The following MMP16 variants were observed in gnomAD, a reference collection of about 807,000 sequenced individuals.
MMP16 encodes matrix metalloproteinase-16.
In MMP16, 12 loss-of-function variants were observed where a neutral mutation model predicts 67.8. The ratio of observed to expected loss-of-function variants is 0.18; its 90% CI spans 0.11 to 0.29. The LOEUF is 0.29. Among genes scored for constraint, MMP16 ranks in the 10% least tolerant of loss-of-function variants. The pLI is 1.00. For missense variants in MMP16, 475 were observed against 765.7 expected, an observed-to-expected ratio of 0.62 and a Z score of 4.48; for synonymous variants, 249 against 255.9, an observed-to-expected ratio of 0.97 and a Z score of 0.26.
At chr8:88,066,257 C>G (rs1021153389) in intron 7 of MMP16, among the ~76,000 whole-genome samples, 2 of 152,026 alleles carry the variant, frequency 1.3e-5, no homozygotes, top group Admixed American at 6.6e-5. Flanking sequence ...ACCATTCAGT[C>G]TTAACATGCC....
chr8:88,204,064 G>A (rs1809387767), intron 1 of MMP16, among the ~76,000 whole-genome samples: 2 of 152,188 alleles, frequency 1.3e-5, no homozygotes, highest in South Asian at 4.1e-4. Flanking sequence ...CAGAAAGACA[G>A]AAATTCATGA....
chr8:88,105,221 T>C (rs1809217288), intron 6 of MMP16, among the ~76,000 whole-genome samples: 1 of 151,112 alleles, frequency 6.6e-6, no homozygotes, highest in Non-Finnish European at 1.5e-5. Context: ...ACCACTACCA[T>C]ATTACTGGAT....
chr8:88,038,841 TCTCCAATATC>T lies in MMP16; in HGVS notation c.*2610_*2619del, dbSNP rs1280969417. ...GCTTTCTTGGCCCTTGCGTACATAA[TCTCCAATATC>T]CTCTTAAAATATTGTCTGCATTGTA... On this transcript the variant is annotated 3_prime_UTR_variant, in exon 10 of 10. Coordinates refer to ENST00000286614, the MANE Select transcript of MMP16 (RefSeq NM_005941.5). The surrounding 1 kb of genome is among the most constrained non-coding windows in gnomAD (Gnocchi z 4.1). 6.6e-6 allele frequency: 1 copy of T among 152,594 alleles called. No homozygotes were observed. The highest frequency in any genetic ancestry group is 2.4e-5 in the African/African-American group (1 of 41,464). The allele number at this position is 152,594 out of a possible 1,614,324, so 9.5% of individuals were successfully genotyped here.
At chr8:88,132,773 G>A (rs1423697254) in intron 4 of MMP16, among the ~76,000 whole-genome samples, 1 of 151,842 alleles carries the variant, frequency 6.6e-6, no homozygotes, top group Admixed American at 6.6e-5. Context: ...ATTATACCAA[G>A]GCATAATTAT....
intron 4 of MMP16, among the ~76,000 whole-genome samples, chr8:88,148,085 C>G (rs1808325146): frequency 6.6e-6 from 1 of 152,200 alleles, no homozygotes; most frequent in African/African-American, 2.4e-5. Context: ...ATTTTTTCAA[C>G]CAATCCTAGC....
intron 4 of MMP16, among the ~76,000 whole-genome samples, chr8:88,158,457 T>C (rs1417169329): frequency 6.6e-6 from 1 of 152,254 alleles, no homozygotes; most frequent in East Asian, 1.9e-4. Flanking sequence ...GTTGGCTGCA[T>C]AAATGTCTTC....
intron 1 of MMP16, among the ~76,000 whole-genome samples, chr8:88,199,442 T>C (rs1249155665): frequency 1.3e-5 from 2 of 152,018 alleles, no homozygotes; most frequent in African/African-American, 4.8e-5. Flanking sequence ...TGTAAAATAC[T>C]GGGAAAGCTA....
At chr8:88,071,235 A>G (rs1808548405) in intron 7 of MMP16, among the ~76,000 whole-genome samples, 1 of 152,138 alleles carries the variant, frequency 6.6e-6, no homozygotes, top group African/African-American at 2.4e-5. Context: ...GTTTATGTTT[A>G]TATCACTAAC....
intron 7 of MMP16, among the ~76,000 whole-genome samples, chr8:88,059,751 A>G (rs1808374067): frequency 6.6e-6 from 1 of 152,086 alleles, no homozygotes; most frequent in Non-Finnish European, 1.5e-5. Context: ...AGAGTAAGCT[A>G]TGGAGACATG....
rs1318408021 is a variant in MMP16, at chr8:88,036,699, A to G, written c.*4762T>C. The G allele has an allele frequency of 1.3e-5, 2 of 151,802 alleles. No homozygotes were observed. Among genetic ancestry groups the G allele is most frequent in the South Asian group, 2.1e-4 (1 of 4,818 alleles). 9.4% of individuals were successfully genotyped at this position (151,802 alleles called of 1,614,324 possible). ...TATGATTGACTTGACACATTTTGTG[A>G]TATTACATATTGGCTGAGATTGCTG... is the stretch of plus-strand genomic sequence containing the variant. On this transcript the variant is annotated 3_prime_UTR_variant, in exon 10 of 10. Transcript: ENST00000286614.
Position 88,304,955 on chromosome 8 carries a change from C to T in MMP16, c.132+22120G>A, listed in dbSNP as rs539559872. On this transcript the variant is annotated intron_variant, in intron 1 of 9. Coordinates refer to ENST00000286614, the MANE Select transcript of MMP16 (RefSeq NM_005941.5). ...CAAATTCACACATAACAATACTAACCTTAAATGTAAATGGACTACATGCCC... is the reference window on the plus strand; with the variant it reads ...CAAATTCACACATAACAATACTAACTTTAAATGTAAATGGACTACATGCCC... Among the ~76,000 whole-genome samples, 34 of 152,274 alleles carry T rather than the reference C, an allele frequency of 2.2e-4. 1 individual carries two copies. Among genetic ancestry groups the T allele is most frequent in the African/African-American group, 8.2e-4 (34 of 41,560 alleles).
At chr8:88,134,755 T>C (rs1290553934) in intron 4 of MMP16, among the ~76,000 whole-genome samples, 1 of 151,664 alleles carries the variant, frequency 6.6e-6, no homozygotes, top group Non-Finnish European at 1.5e-5. Flanking sequence ...TTTTTTCTAC[T>C]ACCTTGCTTG....
intron 5 of MMP16, among the ~76,000 whole-genome samples, chr8:88,118,135 C>T (rs1253119809): frequency 6.6e-6 from 1 of 152,036 alleles, no homozygotes; most frequent in Non-Finnish European, 1.5e-5. Flanking sequence ...AACTTCACCA[C>T]TTGTTAATTT....
At chr8:88,205,738 C>A (rs1227342016) in intron 1 of MMP16, among the ~76,000 whole-genome samples, 3 of 152,128 alleles carry the variant, frequency 2.0e-5, no homozygotes, top group African/African-American at 7.2e-5. Context: ...TGACCAGCAA[C>A]CTTGGTTATC....
intron 1 of MMP16, among the ~76,000 whole-genome samples, chr8:88,208,604 C>T (rs1286381815): frequency 6.6e-6 from 1 of 151,986 alleles, no homozygotes; most frequent in East Asian, 1.9e-4. Context: ...AAAGGATTGC[C>T]AGTGCTATTG....
chr8:88,117,611 T>A (rs904737163), intron 5 of MMP16, among the ~76,000 whole-genome samples: 13 of 152,054 alleles, frequency 8.5e-5, no homozygotes, highest in African/African-American at 3.1e-4. Context: ...CAATTCAACA[T>A]AAGAGATATT....
At chr8:88,191,879 C>T (rs895679338) in intron 2 of MMP16, among the ~76,000 whole-genome samples, 1 of 152,192 alleles carries the variant, frequency 6.6e-6, no homozygotes, top group Admixed American at 6.5e-5. Context: ...AGGGAAACGT[C>T]ATCCCTTGCA....
At chr8:88,152,357 C>A (rs1396744149) in intron 4 of MMP16, among the ~76,000 whole-genome samples, 1 of 127,220 alleles carries the variant, frequency 7.9e-6, no homozygotes, top group Non-Finnish European at 1.6e-5. Context: ...CTCCCTAACT[C>A]ATTTTATGAG....
At chr8:88,059,800 G>C (rs1430324939) in intron 7 of MMP16, among the ~76,000 whole-genome samples, 1 of 151,924 alleles carries the variant, frequency 6.6e-6, no homozygotes, top group African/African-American at 2.4e-5. Context: ...AACCATCCAT[G>C]TCTCTCTCTT....
Sources: gnomAD v4.1 joint callset for allele counts (sites outside exome capture counted in the v4.1 genomes callset) on GRCh38, gnomAD v4.1.1 for gene constraint, Gnocchi (gnomAD v3.1) non-coding constraint, MANE v1.5 for transcripts, NCBI Gene and HGNC (gene_info 2026-07-23, HGNC 2026-07-21) for gene names.